Variants in SLC24A3 observed in about 807,000 individuals in gnomAD.
The protein encoded by SLC24A3 is solute carrier family 24 member 3, also known as sodium/potassium/calcium exchanger 3.
A neutral mutation model predicts 75.8 loss-of-function variants in SLC24A3; 28 were observed. The ratio of observed to expected loss-of-function variants is 0.37; its 90% CI spans 0.27 to 0.51. The LOEUF (loss-of-function observed/expected upper bound fraction) is 0.51. Among genes scored for constraint, SLC24A3 ranks in the 20% least tolerant of loss-of-function variants. The pLI is 0.94. For synonymous variants in SLC24A3, 372 were observed against 334.1 expected, an observed-to-expected ratio of 1.11 and a Z score of -1.24; for missense variants, 663 against 847.8, an observed-to-expected ratio of 0.78 and a Z score of 2.71.
intron 1 of SLC24A3, among the ~76,000 whole-genome samples, chr20:19,246,166 C>T (rs1982478780): frequency 1.3e-5 from 2 of 152,010 alleles, no homozygotes; most frequent in South Asian, 4.1e-4. Flanking sequence ...CATATATAGC[C>T]TTATGTTGAA....
intron 3 of SLC24A3, among the ~76,000 whole-genome samples, chr20:19,542,290 T>C (rs2122588455): frequency 6.6e-6 from 1 of 152,326 alleles, no homozygotes; most frequent in South Asian, 2.1e-4. Flanking sequence ...AGATGAGTAA[T>C]TAATGTGTTT....
At chr20:19,257,241 C>T (rs1035685413) in intron 1 of SLC24A3, among the ~76,000 whole-genome samples, 1 of 152,180 alleles carries the variant, frequency 6.6e-6, no homozygotes, top group Non-Finnish European at 1.5e-5. Context: ...CTCCTGCCTC[C>T]GTAAGCAGCC....
chr20:19,237,623 C>G (rs138291233), intron 1 of SLC24A3, among the ~76,000 whole-genome samples: 2 of 152,310 alleles, frequency 1.3e-5, no homozygotes, highest in Admixed American at 6.5e-5. Context: ...TTCCCCTGCT[C>G]TCCATGCATA....
chr20:19,702,951 T>C (rs1463427754), intron 15 of SLC24A3, among the ~76,000 whole-genome samples: 2 of 152,252 alleles, frequency 1.3e-5, no homozygotes, highest in African/African-American at 4.8e-5. Flanking sequence ...AAGCTGTGAA[T>C]GTTGCATTTC....
At chr20:19,620,337 G>A (rs769808597) in intron 6 of SLC24A3, among the ~76,000 whole-genome samples, 1 of 152,222 alleles carries the variant, frequency 6.6e-6, no homozygotes, top group Non-Finnish European at 1.5e-5. Flanking sequence ...GGGGGGGAAA[G>A]CTTGAAGAGA....
intron 2 of SLC24A3, among the ~76,000 whole-genome samples, chr20:19,381,884 G>A (rs184949708): frequency 5.9e-5 from 9 of 152,278 alleles, no homozygotes; most frequent in Admixed American, 3.3e-4. Context: ...GACTGGAGGG[G>A]CAGGCAGGCA....
Position 19,364,717 on chromosome 20 carries a change from C to T in SLC24A3, c.271+83630C>T, listed in dbSNP as rs185493785. 3.2e-4 allele frequency among the ~76,000 whole-genome samples: 48 copies of T among 152,226 alleles called. No homozygotes were observed. The East Asian group carries it at 3.3e-3, about 10-fold the overall frequency. On this transcript the variant is annotated intron_variant, in intron 2 of 16. Coordinates refer to ENST00000328041, the MANE Select transcript of SLC24A3 (RefSeq NM_020689.4). ...CTATCCTCCTGCCTTGGTCTCCCAA[C>T]ATGCTGGGATTACAGGCATGAGCCA...
chr20:19,683,265 T>C (rs2032635220), intron 10 of SLC24A3, among the ~76,000 whole-genome samples: 1 of 152,236 alleles, frequency 6.6e-6, no homozygotes, highest in Non-Finnish European at 1.5e-5. Context: ...AAAAGGAATA[T>C]GCTAAAGAGA....
intron 2 of SLC24A3, among the ~76,000 whole-genome samples, chr20:19,318,962 C>A (rs950201874): frequency 6.6e-6 from 1 of 152,100 alleles, no homozygotes; most frequent in African/African-American, 2.4e-5. Flanking sequence ...CCCCTTGTTA[C>A]CAGCATTTTC....
intron 2 of SLC24A3, among the ~76,000 whole-genome samples, chr20:19,321,666 A>G (rs1235270206): frequency 6.6e-6 from 1 of 152,202 alleles, no homozygotes; most frequent in African/African-American, 2.4e-5. Flanking sequence ...TTAAAACCAT[A>G]TGTTAAGGGA....
intron 6 of SLC24A3, among the ~76,000 whole-genome samples, chr20:19,606,223 A>G (rs2031596319): frequency 6.6e-6 from 1 of 152,150 alleles, no homozygotes; most frequent in African/African-American, 2.4e-5. Context: ...TGAACATACC[A>G]CTCGCCAGTG....
At chr20:19,355,745 C>T (rs115818441) in intron 2 of SLC24A3, among the ~76,000 whole-genome samples, 2,965 of 152,266 alleles carry the variant, frequency 0.019, 100 homozygotes, top group African/African-American at 0.068. Context: ...GTGGCAAGAT[C>T]TGGTAGTGAG....
At chr20:19,359,236 A>C (rs1245930186) in intron 2 of SLC24A3, among the ~76,000 whole-genome samples, 2 of 152,140 alleles carry the variant, frequency 1.3e-5, no homozygotes, top group Non-Finnish European at 1.5e-5. Flanking sequence ...GTTTTTCTTG[A>C]TGAACTGTGT....
At chr20:19,295,817 T>TTG (rs1555786497) in intron 2 of SLC24A3, among the ~76,000 whole-genome samples, 3 of 152,076 alleles carry the variant, frequency 2.0e-5, no homozygotes, top group African/African-American at 7.2e-5. Context: ...AGTTTTTTTT[T>TTG]TTGTTGTTGT....
chr20:19,696,743 G>A, intron 13 of SLC24A3, 54 bp from the exon 14 acceptor site: 2 of 1,217,790 alleles, frequency 1.6e-6, no homozygotes, highest in East Asian at 2.3e-5. Context: ...AGAATCATGG[G>A]CAGGTGGGGC....
intron 3 of SLC24A3, among the ~76,000 whole-genome samples, chr20:19,532,730 A>T (rs1427317999): frequency 6.6e-6 from 1 of 152,204 alleles, no homozygotes; most frequent in Non-Finnish European, 1.5e-5. Context: ...ACACCGTCTT[A>T]TTCCACCCTG....
At chr20:19,601,584 G>A (rs1447375099) in intron 6 of SLC24A3, among the ~76,000 whole-genome samples, 1 of 152,140 alleles carries the variant, frequency 6.6e-6, no homozygotes, top group Non-Finnish European at 1.5e-5. Context: ...CATCCTAGTT[G>A]TTCCACAGAG....
intron 6 of SLC24A3, 87 bp downstream of exon 6, chr20:19,585,631 G>T: frequency 8.4e-6 from 11 of 1,307,892 alleles, no homozygotes; most frequent in Admixed American, 7.3e-5. Flanking sequence ...TGTCTTGCTG[G>T]AACACAACTT....
At chr20:19,213,954 A>C (rs562135041) in intron 1 of SLC24A3, among the ~76,000 whole-genome samples, 4 of 152,316 alleles carry the variant, frequency 2.6e-5, no homozygotes, top group Admixed American at 6.5e-5. Context: ...ACAAAACAAA[A>C]CAAACAAACA....
Sources: allele counts gnomAD v4.1 joint callset (sites outside exome capture counted in the v4.1 genomes callset), GRCh38; gene constraint gnomAD v4.1.1; transcripts MANE v1.5; gene names NCBI Gene and HGNC (gene_info 2026-07-23, HGNC 2026-07-21).